The following GRM1 variants were observed in gnomAD, a reference collection of about 807,000 sequenced individuals.
The protein encoded by GRM1 is glutamate metabotropic receptor 1, also known as metabotropic glutamate receptor 1.
A neutral mutation model predicts 90.9 loss-of-function variants in GRM1; 33 were observed. The observed-to-expected ratio is 0.36, with a 90% CI of 0.28 to 0.49. The LOEUF (loss-of-function observed/expected upper bound fraction) is 0.49. GRM1 is among the 20% of genes least tolerant of loss of function. The probability of loss-of-function intolerance (pLI) is 0.99; values close to 1 mark genes in which losing one functional copy is unlikely to be tolerated. For missense variants in GRM1, 1,190 were observed against 1,534.3 expected (o/e 0.78, Z 3.75); for synonymous variants, 700 against 613.2 (o/e 1.14, Z -2.09).
At chr6:146,038,189 G>A (rs774110167) in intron 1 of GRM1, among the ~76,000 whole-genome samples, 3 of 152,052 alleles carry the variant, frequency 2.0e-5, no homozygotes, top group Admixed American at 1.3e-4. Flanking sequence ...CCTTCTCTAT[G>A]AGGGTTGTGG....
At chr6:146,394,062 TG>T (rs1164111645) in intron 6 of GRM1, among the ~76,000 whole-genome samples, 3 of 152,292 alleles carry the variant, frequency 2.0e-5, no homozygotes, top group Non-Finnish European at 4.4e-5. Flanking sequence ...GCTAGCCATA[TG>T]CAGAAAACTG....
At chr6:146,150,290 T>G (rs1013327937) in intron 1 of GRM1, among the ~76,000 whole-genome samples, 10 of 152,166 alleles carry the variant, frequency 6.6e-5, no homozygotes, top group African/African-American at 2.2e-4. Context: ...GAAATTTAGG[T>G]AAAAAAGAAT....
chr6:146,316,195 C>T (rs1783959536), intron 3 of GRM1, among the ~76,000 whole-genome samples: 1 of 152,164 alleles, frequency 6.6e-6, no homozygotes, highest in African/African-American at 2.4e-5. Flanking sequence ...AGGCCACTCA[C>T]GTGTCTTGGC....
chr6:146,201,305 A>G (rs935177549), intron 2 of GRM1, among the ~76,000 whole-genome samples: 1 of 152,218 alleles, frequency 6.6e-6, no homozygotes, highest in East Asian at 1.9e-4. Context: ...AAAGGTCTAT[A>G]TAATAGATTA....
chr6:146,030,233 G>A lies in GRM1; in HGVS notation c.700+16G>A. The stretch of plus-strand genomic sequence containing the variant: ...CACACGGAAGGTAGGCATTATATTT[G>A]GGAAAGAAGGGTACTGAGAAAGTCA... On this transcript the variant is annotated intron_variant, in intron 1 of 7. Coordinates refer to ENST00000282753, the MANE Select transcript of GRM1 (RefSeq NM_001278064.2). 6.5e-7 allele frequency: 1 copy of A among 1,536,484 alleles called. No homozygotes were observed. The highest frequency in any genetic ancestry group is 9.0e-7 in the Non-Finnish European group (1 of 1,110,194).
At chr6:146,087,966 A>G (rs1170828604) in intron 1 of GRM1, among the ~76,000 whole-genome samples, 1 of 152,168 alleles carries the variant, frequency 6.6e-6, no homozygotes, top group African/African-American at 2.4e-5. Context: ...CAGAAGTGCT[A>G]TTGCTCATTT....
intron 2 of GRM1, among the ~76,000 whole-genome samples, chr6:146,268,236 A>G (rs1781991586): frequency 6.6e-6 from 1 of 152,322 alleles, no homozygotes; most frequent in South Asian, 2.1e-4. Flanking sequence ...GACTGAACAT[A>G]TAAAAATGTT....
chr6:146,316,691 C>T lies in GRM1; in HGVS notation c.1186+11845C>T, dbSNP rs143831743. On this transcript the variant is annotated intron_variant, in intron 3 of 7. Coordinates refer to ENST00000282753, the MANE Select transcript of GRM1 (RefSeq NM_001278064.2). ...CCACTCTCAGGGAAGTCTCTTATTT[C>T]GCATCATCATCCTCCTTGGCGTCCT... Among the ~76,000 whole-genome samples the T allele has an allele frequency of 1.0e-3, 152 of 152,286 alleles. 1 individual carries two copies. Among genetic ancestry groups the T allele is most frequent in the African/African-American group, 3.5e-3 (146 of 41,560 alleles).
intron 2 of GRM1, 190 bp downstream of exon 2, chr6:146,159,787 T>TTCC: frequency 1.7e-6 from 1 of 589,916 alleles, no homozygotes; most frequent in Non-Finnish European, 3.0e-6. Context: ...TATTGGCATC[T>TTCC]TCCTGCTAAA....
In GRM1 at chr6:146,351,090, A is replaced by G. The variant is rs994674333; in HGVS notation, c.1187-1160A>G. Among the ~76,000 whole-genome samples the G allele has an allele frequency of 6.6e-5, 10 of 152,252 alleles. No homozygotes were observed. The East Asian group carries it at 1.7e-3, about 27-fold the overall frequency. On this transcript the variant is annotated intron_variant, in intron 3 of 7. Transcript: ENST00000282753. ...TTTACCGTTTCTTCTAAAGACTCAA[A>G]CTGTCTAACATCCTAAATATTTCTC...
At chr6:146,302,539 T>TTTTATTTATTTA (rs370040664) in intron 2 of GRM1, among the ~76,000 whole-genome samples, 16 of 150,282 alleles carry the variant, frequency 1.1e-4, no homozygotes, top group African/African-American at 3.7e-4. Flanking sequence ...ATCCAGATAA[T>TTTTATTTATTTA]TTTATTTATT....
At chr6:146,295,067 G>T (rs1783129177) in intron 2 of GRM1, among the ~76,000 whole-genome samples, 1 of 151,878 alleles carries the variant, frequency 6.6e-6, no homozygotes, top group Admixed American at 6.6e-5. Flanking sequence ...CTTGCTGTTT[G>T]TCTTACCTTT....
At chr6:146,421,566 G>C (rs537495149) in intron 7 of GRM1, among the ~76,000 whole-genome samples, 31 of 151,958 alleles carry the variant, frequency 2.0e-4, no homozygotes, top group African/African-American at 7.5e-4. Flanking sequence ...AATATACAGA[G>C]GGCTTCAAAC....
chr6:146,433,166 G>C lies in GRM1; in HGVS notation c.2661-706G>C, dbSNP rs558177141. 3.9e-4 allele frequency among the ~76,000 whole-genome samples: 59 copies of C among 152,264 alleles called. No individual in the cohort carries two copies. The South Asian group carries it at 0.011, about 29-fold the overall frequency. ...ATCCCAAACCAGCTTCTGTGAGTCA[G>C]GGCCTTTGTGTGAATTGTGATCCAC... is the stretch of plus-strand genomic sequence containing the variant. On this transcript the variant is annotated intron_variant, in intron 7 of 7. Coordinates refer to ENST00000282753, the MANE Select transcript of GRM1 (RefSeq NM_001278064.2).
chr6:146,102,175 A>G (rs539008531), intron 1 of GRM1, among the ~76,000 whole-genome samples: 1 of 152,002 alleles, frequency 6.6e-6, no homozygotes, highest in Non-Finnish European at 1.5e-5. Flanking sequence ...TCCACTGCCC[A>G]TATCCTCAAT....
chr6:146,287,674 A>G (rs1166784061), intron 2 of GRM1, among the ~76,000 whole-genome samples: 3 of 152,144 alleles, frequency 2.0e-5, no homozygotes, highest in Non-Finnish European at 4.4e-5. Flanking sequence ...CAGCTTTACA[A>G]TGGGTTGTTA....
At chr6:146,128,953 T>G (rs1367254090) in intron 1 of GRM1, among the ~76,000 whole-genome samples, 1 of 152,196 alleles carries the variant, frequency 6.6e-6, no homozygotes, top group Non-Finnish European at 1.5e-5. Context: ...CCAACTCGCT[T>G]TTGTATTCCT....
In GRM1 at chr6:146,157,621, T is replaced by C. The variant is rs1356236364; in HGVS notation, c.701-1727T>C. Among the ~76,000 whole-genome samples the C allele has an allele frequency of 3.3e-5, 5 of 152,048 alleles. No individual in the cohort carries two copies. In the East Asian group the frequency reaches 9.7e-4, roughly 29 times the overall value. ...AATGAGGTCAGGGGTATTTTTCTTTTTGATTGACACTGATAGGAAGGAGAA... is the reference window on the plus strand; with the variant it reads ...AATGAGGTCAGGGGTATTTTTCTTTCTGATTGACACTGATAGGAAGGAGAA... On this transcript the variant is annotated intron_variant, in intron 1 of 7. Coordinates refer to ENST00000282753, the MANE Select transcript of GRM1 (RefSeq NM_001278064.2).
chr6:146,275,768 T>C (rs1264498397), intron 2 of GRM1, among the ~76,000 whole-genome samples: 1 of 152,186 alleles, frequency 6.6e-6, no homozygotes, highest in Non-Finnish European at 1.5e-5. Flanking sequence ...TCTAATATTG[T>C]CAGTGTTTTA....
Sources: allele counts gnomAD v4.1 joint callset (sites outside exome capture counted in the v4.1 genomes callset), GRCh38; gene constraint gnomAD v4.1.1; transcripts MANE v1.5; gene names NCBI Gene and HGNC (gene_info 2026-07-23, HGNC 2026-07-21).